The following NFAM1 variants were observed in gnomAD, a reference collection of about 807,000 sequenced individuals.
NFAM1 encodes the protein NFAT activating protein with ITAM motif 1.
A neutral mutation model predicts 29.0 loss-of-function variants in NFAM1; 17 were observed. That is an observed-to-expected ratio of 0.59 (90% CI 0.40 to 0.88). The LOEUF (loss-of-function observed/expected upper bound fraction) is 0.88, where lower values mean the gene tolerates loss of function less well. Among genes scored for constraint, NFAM1 ranks in the 40% least tolerant of loss-of-function variants. The pLI is 0.00. For synonymous variants in NFAM1, 175 were observed against 147.2 expected (o/e 1.19, Z -1.36); for missense variants, 324 against 344.6 (o/e 0.94, Z 0.47).
chr22:42,401,585 A>G (rs1204579602), intron 3 of NFAM1, among the ~76,000 whole-genome samples: 1 of 151,968 alleles, frequency 6.6e-6, no homozygotes, highest in Non-Finnish European at 1.5e-5. Context: ...GAAAACTCAC[A>G]TTACATTATG....
At chr22:42,418,845 C>T (rs1023298394) in intron 1 of NFAM1, among the ~76,000 whole-genome samples, 14 of 152,180 alleles carry the variant, frequency 9.2e-5, no homozygotes, top group Non-Finnish European at 2.1e-4. Flanking sequence ...GTCCCTGTCC[C>T]GGGCGCTGGC....
intron 1 of NFAM1, among the ~76,000 whole-genome samples, chr22:42,411,943 C>T (rs1334847783): frequency 6.6e-6 from 1 of 152,112 alleles, no homozygotes; most frequent in Non-Finnish European, 1.5e-5. Flanking sequence ...ACTAAAAATA[C>T]AAAAATTAGC....
chr22:42,387,387 G>A (rs1929186685), intron 4 of NFAM1, among the ~76,000 whole-genome samples: 1 of 152,130 alleles, frequency 6.6e-6, no homozygotes, highest in Non-Finnish European at 1.5e-5. Context: ...GAAAGGGCCA[G>A]GCCTCCTCCT....
chr22:42,392,489 G>A (rs1008508659), intron 4 of NFAM1, among the ~76,000 whole-genome samples: 4 of 152,142 alleles, frequency 2.6e-5, no homozygotes, highest in Non-Finnish European at 5.9e-5. Flanking sequence ...AGGGGCTGAA[G>A]GTGAGAGGGC....
intron 3 of NFAM1, among the ~76,000 whole-genome samples, chr22:42,398,391 A>ATTATTG (rs1297608079): frequency 9.4e-6 from 1 of 106,138 alleles, no homozygotes; most frequent in African/African-American, 3.0e-5. Flanking sequence ...ATTTATTATT[A>ATTATTG]TTATTATTAT....
At position 42,411,470 on chromosome 22, in the gene NFAM1, A is replaced by G. The variant is rs753352452; in HGVS notation, c.388T>C (p.Tyr130His). 19 of 1,614,184 alleles carry G rather than the reference A, an allele frequency of 1.2e-5. No individual in the cohort carries two copies. The highest frequency in any genetic ancestry group is 1.5e-5 in the Non-Finnish European group (18 of 1,180,030). The change falls in exon 2 of 6, where the codon TAC (tyrosine) becomes CAC (histidine). Residue 130 changes from tyrosine to histidine, a missense_variant. Physicochemically the swap from Tyr to His is moderately conservative, Grantham distance 83. Transcript: ENST00000329021. ...LPGASATGTY[Y>H]CSVHWPHSTV... ...GAGTGTGGCCAGTGGACAGAGCAGT[A>G]GTAGGTGCCAGTGGCCGATGCTCCC... is the stretch of plus-strand genomic sequence containing the variant.
intron 4 of NFAM1, among the ~76,000 whole-genome samples, chr22:42,390,836 AG>A: frequency 1.5e-5 from 2 of 136,618 alleles, no homozygotes; most frequent in Admixed American, 7.4e-5. Flanking sequence ...AAAAAAAAAA[AG>A]AGGGAGCAGC....
intron 4 of NFAM1, among the ~76,000 whole-genome samples, chr22:42,397,207 C>T (rs56964033): frequency 6.6e-6 from 1 of 152,194 alleles, no homozygotes; most frequent in Admixed American, 6.5e-5. Flanking sequence ...GCTGGCTGGC[C>T]AGGCTGGGGC....
chr22:42,427,970 T>C (rs1930676795), intron 1 of NFAM1, among the ~76,000 whole-genome samples: 1 of 152,202 alleles, frequency 6.6e-6, no homozygotes, highest in Non-Finnish European at 1.5e-5. Flanking sequence ...CTTGACCTGG[T>C]GAGAGTCACA....
In NFAM1 at chr22:42,385,175, A is replaced by G. The variant is rs771825914; in HGVS notation, c.799T>C (p.Tyr267His). 6.2e-7 allele frequency: 1 copy of G among 1,613,512 alleles called. No individual in the cohort carries two copies. The highest frequency in any genetic ancestry group is 1.1e-5 in the South Asian group (1 of 91,076). Reference sequence around the variant, plus strand: ...TGGAGCCCATCCTAGAGATTTTCATAGACCAGGTTAAGTTCGCCATCATCT... The same window carrying G: ...TGGAGCCCATCCTAGAGATTTTCATGGACCAGGTTAAGTTCGCCATCATCT... ...FEDDGELNLV[Y>H]ENL is the part of the protein sequence containing the mutation. The change falls in exon 6 of 6, where the codon TAT (tyrosine) becomes CAT (histidine). Residue 267 changes from tyrosine (Y) to histidine (H), a missense_variant. Tyr to His is a moderately conservative substitution (Grantham distance 83). Transcript: ENST00000329021.
intron 4 of NFAM1, among the ~76,000 whole-genome samples, chr22:42,387,459 C>T (rs1316919359): frequency 6.6e-6 from 1 of 152,066 alleles, no homozygotes; most frequent in Admixed American, 6.6e-5. Flanking sequence ...CTGCATGATA[C>T]CTGTGGCCAC....
intron 1 of NFAM1, among the ~76,000 whole-genome samples, chr22:42,425,735 T>G (rs1047766647): frequency 2.2e-4 from 34 of 152,224 alleles, no homozygotes; most frequent in African/African-American, 7.2e-4. Context: ...CCAGCCTTCC[T>G]GAGCCCGCGT....
chr22:42,415,590 C>T (rs568298965), intron 1 of NFAM1, among the ~76,000 whole-genome samples: 3 of 152,224 alleles, frequency 2.0e-5, no homozygotes, highest in Non-Finnish European at 2.9e-5. Context: ...TGAGCCACCG[C>T]GCCCGGCCTG....
At chr22:42,410,434 C>A (rs559411064) in intron 2 of NFAM1, 2 of 376,828 alleles carry the variant, frequency 5.3e-6, no homozygotes, top group East Asian at 1.0e-4. Context: ...CTGAGGTGGG[C>A]GGATCACTTG....
rs1040675972 is a variant in NFAM1 at position 42,383,153 on chromosome 22, G to A, written c.*2008C>T. On this transcript the variant is annotated 3_prime_UTR_variant, in exon 6 of 6. Transcript: ENST00000329021. ...AACCCAGGCTCCCCTGTCTACCCCT[G>A]AAAAAGACTGGAAAATGCTGAGTCC... 6.6e-6 allele frequency: 1 copy of A among 152,570 alleles called. No individual in the cohort carries two copies. The highest frequency in any genetic ancestry group is 2.4e-5 in the African/African-American group (1 of 41,446). The allele number at this position is 152,570 out of a possible 1,614,324, so 9.5% of individuals were successfully genotyped here.
At chr22:42,386,633 G>A (rs1929155578) in intron 5 of NFAM1, among the ~76,000 whole-genome samples, 1 of 152,174 alleles carries the variant, frequency 6.6e-6, no homozygotes, top group Non-Finnish European at 1.5e-5. Flanking sequence ...CCCAGTGATA[G>A]TTACAGTGGC....
At chr22:42,418,358 G>A (rs973433919) in intron 1 of NFAM1, among the ~76,000 whole-genome samples, 3 of 152,150 alleles carry the variant, frequency 2.0e-5, no homozygotes, top group Admixed American at 2.0e-4. Flanking sequence ...TTTCCCCAGG[G>A]ACAAGAATGA....
upstream of NFAM1, among the ~76,000 whole-genome samples, chr22:42,435,933 C>T (rs1224995155): frequency 6.6e-6 from 1 of 151,824 alleles, no homozygotes; most frequent in Non-Finnish European, 1.5e-5. Context: ...GATTCTCCCG[C>T]CTCAGCCTTC....
chr22:42,389,041 AC>A (rs374108519), intron 4 of NFAM1, among the ~76,000 whole-genome samples: 1,929 of 151,864 alleles, frequency 0.013, 37 homozygotes, highest in African/African-American at 0.044. Context: ...CCAGGCCCAG[AC>A]CCCTTCTAAG....
Sources: allele counts gnomAD v4.1 joint callset (sites outside exome capture counted in the v4.1 genomes callset), GRCh38; gene constraint gnomAD v4.1.1; transcripts MANE v1.5; gene names NCBI Gene and HGNC (gene_info 2026-07-23, HGNC 2026-07-21).